Variants in TASP1 observed in about 807,000 individuals in gnomAD.
The protein encoded by TASP1 is taspase 1, also known as threonine aspartase 1.
TASP1 carries 16 observed loss-of-function variants against 56.6 expected under a neutral mutation model. The ratio of observed to expected loss-of-function variants is 0.28; its 90% confidence interval spans 0.19 to 0.43. TASP1 has a LOEUF of 0.43. Among genes scored for constraint, TASP1 ranks in the 20% least tolerant of loss-of-function variants. The pLI is 1.00. For missense variants in TASP1, 393 were observed against 511.6 expected, an observed-to-expected ratio of 0.77 and a Z score of 2.24; for synonymous variants, 179 against 184.2, an observed-to-expected ratio of 0.97 and a Z score of 0.23.
intron 8 of TASP1, among the ~76,000 whole-genome samples, chr20:13,545,158 A>G (rs2045761330): frequency 6.6e-6 from 1 of 152,242 alleles, no homozygotes; most frequent in African/African-American, 2.4e-5. Flanking sequence ...AGCATATTGA[A>G]AAGCAAAAAG....
intron 10 of TASP1, among the ~76,000 whole-genome samples, chr20:13,512,954 G>C (rs2146732717): frequency 6.6e-6 from 1 of 152,214 alleles, no homozygotes; most frequent in South Asian, 2.1e-4. Context: ...CTGTTCCATT[G>C]GTCTATATCT....
the TASP1 span, among the ~76,000 whole-genome samples, chr20:13,345,948 A>T: frequency 6.6e-6 from 1 of 151,318 alleles, no homozygotes; most frequent in Non-Finnish European, 1.5e-5. Context: ...AAAAGAATGA[A>T]GAACAGGACT....
the TASP1 span, among the ~76,000 whole-genome samples, chr20:13,190,426 C>T: frequency 6.6e-6 from 1 of 151,980 alleles, no homozygotes; most frequent in Non-Finnish European, 1.5e-5. Context: ...TAAATAAAAC[C>T]ATGTATTAAC....
the TASP1 span, among the ~76,000 whole-genome samples, chr20:13,364,360 A>G: frequency 3.3e-5 from 5 of 152,200 alleles, no homozygotes; most frequent in East Asian, 9.6e-4. Flanking sequence ...GGACCATGTC[A>G]TCTCAACTGT....
At chr20:13,573,268 G>A (rs1272620505) in intron 6 of TASP1, among the ~76,000 whole-genome samples, 4 of 152,100 alleles carry the variant, frequency 2.6e-5, no homozygotes, top group Non-Finnish European at 5.9e-5. Context: ...TCACCCCCAA[G>A]GTATTGGGAT....
At chr20:13,616,143 A>C (rs1232675015) in intron 4 of TASP1, among the ~76,000 whole-genome samples, 3 of 152,140 alleles carry the variant, frequency 2.0e-5, no homozygotes, top group Admixed American at 2.0e-4. Context: ...AATGAATCTA[A>C]TTAAATCCCT....
At chr20:13,601,868 C>CTTTTT in intron 4 of TASP1, among the ~76,000 whole-genome samples, 1 of 53,556 alleles carries the variant, frequency 1.9e-5, no homozygotes, top group Non-Finnish European at 3.1e-5. Context: ...TAACCCCATT[C>CTTTTT]TTTTTTTTTT....
intron 8 of TASP1, among the ~76,000 whole-genome samples, chr20:13,557,739 T>C (rs1012130268): frequency 1.3e-5 from 2 of 151,528 alleles, no homozygotes; most frequent in African/African-American, 2.4e-5. Flanking sequence ...CACCACCATA[T>C]CCAGCTAAAT....
intron 4 of TASP1, among the ~76,000 whole-genome samples, chr20:13,608,906 C>T (rs189102333): frequency 1.1e-4 from 17 of 152,088 alleles, no homozygotes; most frequent in Admixed American, 1.1e-3. Flanking sequence ...GCAGTAAACA[C>T]GAGAGTGAAA....
chr20:13,461,423 T>C (rs1215481479), intron 11 of TASP1, among the ~76,000 whole-genome samples: 2 of 152,192 alleles, frequency 1.3e-5, no homozygotes, highest in African/African-American at 4.8e-5. Flanking sequence ...TTCTAGTGCC[T>C]GGCCTGAAAC....
At chr20:13,578,382 T>A (rs1023731903) in intron 6 of TASP1, among the ~76,000 whole-genome samples, 6 of 152,148 alleles carry the variant, frequency 3.9e-5, no homozygotes, top group African/African-American at 1.2e-4. Flanking sequence ...CTCTGGATAA[T>A]CTTTTGTTTG....
chr20:13,504,432 C>G (rs2044056623), intron 10 of TASP1, among the ~76,000 whole-genome samples: 1 of 151,572 alleles, frequency 6.6e-6, no homozygotes, highest in African/African-American at 2.4e-5. Context: ...AGGAGTTCAC[C>G]ATCATTAAAC....
chr20:13,486,587 G>A (rs1201795240), intron 10 of TASP1, among the ~76,000 whole-genome samples: 1 of 152,102 alleles, frequency 6.6e-6, no homozygotes, highest in East Asian at 1.9e-4. Flanking sequence ...AACAATTTAT[G>A]AAGGAATATT....
intron 13 of TASP1, among the ~76,000 whole-genome samples, chr20:13,408,012 G>C (rs2041981970): frequency 6.6e-6 from 1 of 151,906 alleles, no homozygotes; most frequent in African/African-American, 2.4e-5. Context: ...CTATTTTGTG[G>C]GCTTTTTTTA....
chr20:13,502,958 T>A (rs373305728), intron 10 of TASP1, among the ~76,000 whole-genome samples: 1 of 152,038 alleles, frequency 6.6e-6, no homozygotes, highest in South Asian at 2.1e-4. Context: ...CCAAAAGAGA[T>A]ACCCTCACCA....
the TASP1 span, among the ~76,000 whole-genome samples, chr20:13,326,342 C>T: frequency 6.6e-6 from 1 of 152,046 alleles, no homozygotes; most frequent in African/African-American, 2.4e-5. Context: ...AGGAGTGGGA[C>T]CGTTGGGTCA....
intron 4 of TASP1, among the ~76,000 whole-genome samples, chr20:13,600,906 C>A (rs953060778): frequency 2.6e-5 from 4 of 152,218 alleles, no homozygotes; most frequent in East Asian, 1.9e-4. Flanking sequence ...GCTTTGGATT[C>A]AAATACTATT....
At chr20:13,558,510 T>C (rs1267714558) in intron 8 of TASP1, among the ~76,000 whole-genome samples, 3 of 152,086 alleles carry the variant, frequency 2.0e-5, no homozygotes, top group Non-Finnish European at 4.4e-5. Context: ...TTTAATTTTA[T>C]AAAATTTTAA....
the TASP1 span, among the ~76,000 whole-genome samples, chr20:13,274,534 C>T: frequency 1.3e-5 from 2 of 152,174 alleles, no homozygotes; most frequent in African/African-American, 2.4e-5. Flanking sequence ...CCCGCCTTCC[C>T]CTCCGCACCT....
Sources: allele counts gnomAD v4.1 joint callset (sites outside exome capture counted in the v4.1 genomes callset), GRCh38; gene constraint gnomAD v4.1.1; transcripts MANE v1.5; gene names NCBI Gene and HGNC (gene_info 2026-07-23, HGNC 2026-07-21).